The following DLGAP2 variants were observed in gnomAD, a reference collection of about 807,000 sequenced individuals.
DLGAP2 encodes the protein disks large-associated protein 2.
Under a neutral mutation model 100.3 loss-of-function variants are expected in DLGAP2, and 26 were observed. That is an observed-to-expected ratio of 0.26 (90% CI 0.19 to 0.36). The LOEUF is 0.36. Among genes scored for constraint, DLGAP2 ranks in the 10% least tolerant of loss-of-function variants. The pLI is 1.00. For missense variants in DLGAP2, 1,858 were observed against 1,453.2 expected (o/e 1.28, Z -4.53); for synonymous variants, 886 against 630.1 (o/e 1.41, Z -6.08).
At chr8:1,418,126 C>T (rs578236634) in intron 3 of DLGAP2, among the ~76,000 whole-genome samples, 51 of 152,312 alleles carry the variant, frequency 3.3e-4, no homozygotes, top group African/African-American at 1.2e-3. Flanking sequence ...GATCTCCAGC[C>T]ATACAGTGTG....
chr8:1,669,829 A>AT (rs755756690), intron 10 of DLGAP2, 45 bp downstream of exon 10: 23 of 780,716 alleles, frequency 2.9e-5, no homozygotes, highest in South Asian at 2.8e-4. Flanking sequence ...CATGACTTTC[A>AT]TTTTCTCTCC....
At chr8:962,935 G>A (rs557181641) in intron 2 of DLGAP2, among the ~76,000 whole-genome samples, 2 of 152,332 alleles carry the variant, frequency 1.3e-5, no homozygotes, top group South Asian at 4.1e-4. Context: ...GACTGCAGCA[G>A]CCCATTCCCA....
At chr8:948,415 GC>G (rs1355348740) in intron 2 of DLGAP2, among the ~76,000 whole-genome samples, 5 of 152,170 alleles carry the variant, frequency 3.3e-5, no homozygotes, top group African/African-American at 9.7e-5. Flanking sequence ...GGCGAAGCGG[GC>G]GACAGGGTCC....
chr8:1,305,463 G>T (rs965449306), intron 3 of DLGAP2, among the ~76,000 whole-genome samples: 1 of 152,128 alleles, frequency 6.6e-6, no homozygotes, highest in African/African-American at 2.4e-5. Context: ...TCATCCCTGG[G>T]TGTCTGTAAG....
chr8:783,304 G>C (rs1176884268), intron 1 of DLGAP2, among the ~76,000 whole-genome samples: 1 of 152,234 alleles, frequency 6.6e-6, no homozygotes, highest in Non-Finnish European at 1.5e-5. Flanking sequence ...GTTTAAGGGA[G>C]AGAAGGAGGT....
intron 2 of DLGAP2, among the ~76,000 whole-genome samples, chr8:1,215,892 G>A (rs1454349890): frequency 6.7e-6 from 1 of 148,278 alleles, no homozygotes; most frequent in Non-Finnish European, 1.5e-5. Flanking sequence ...TACCTCCATG[G>A]GTTCATTTGG....
At chr8:865,390 T>C (rs1455421986) in intron 1 of DLGAP2, among the ~76,000 whole-genome samples, 1 of 152,252 alleles carries the variant, frequency 6.6e-6, no homozygotes, top group Non-Finnish European at 1.5e-5. Context: ...GATTGTGCTC[T>C]AGAGTTAGAC....
chr8:885,689 C>T (rs532866344), intron 1 of DLGAP2, among the ~76,000 whole-genome samples: 16 of 152,228 alleles, frequency 1.1e-4, no homozygotes, highest in African/African-American at 3.1e-4. Context: ...AGGGCCTCCT[C>T]GTCTTGTGCT....
chr8:1,117,024 C>G (rs1387018000), intron 2 of DLGAP2, among the ~76,000 whole-genome samples: 1 of 152,220 alleles, frequency 6.6e-6, no homozygotes, highest in Non-Finnish European at 1.5e-5. Flanking sequence ...GTGCAGTCCT[C>G]AGATGAACCC....
chr8:1,204,991 C>A (rs749585229), intron 2 of DLGAP2, among the ~76,000 whole-genome samples: 4 of 152,120 alleles, frequency 2.6e-5, no homozygotes, highest in Non-Finnish European at 5.9e-5. Flanking sequence ...TCCATTGTAA[C>A]ATCCAGTCAG....
chr8:1,225,797 C>T (rs1158344539), intron 2 of DLGAP2, among the ~76,000 whole-genome samples: 1 of 152,124 alleles, frequency 6.6e-6, no homozygotes, highest in African/African-American at 2.4e-5. Context: ...GTGGTGAATG[C>T]AGTTTATAAT....
intron 2 of DLGAP2, among the ~76,000 whole-genome samples, chr8:1,214,142 C>T (rs1311966971): frequency 6.6e-6 from 1 of 152,202 alleles, no homozygotes; most frequent in Non-Finnish European, 1.5e-5. Context: ...CAGCCCCCTT[C>T]CCTCCACACC....
intron 2 of DLGAP2, among the ~76,000 whole-genome samples, chr8:916,091 C>T (rs887852047): frequency 6.6e-6 from 1 of 151,780 alleles, no homozygotes; most frequent in Non-Finnish European, 1.5e-5. Context: ...TCCATCTGTC[C>T]CAGGGCGTGG....
chr8:1,480,696 TAA>T (rs111610819), intron 3 of DLGAP2, among the ~76,000 whole-genome samples: 2 of 129,372 alleles, frequency 1.5e-5, no homozygotes, highest in Non-Finnish European at 1.6e-5. Context: ...CTAATAATAA[TAA>T]AAAAAAAAAC....
At chr8:1,097,084 C>T (rs1369167261) in intron 2 of DLGAP2, among the ~76,000 whole-genome samples, 1 of 139,578 alleles carries the variant, frequency 7.2e-6, no homozygotes, top group Non-Finnish European at 1.5e-5. Context: ...TGAGACCCAC[C>T]TCCCTGTGCT....
At chr8:1,536,636 A>G (rs972977035) in intron 4 of DLGAP2, among the ~76,000 whole-genome samples, 1 of 152,128 alleles carries the variant, frequency 6.6e-6, no homozygotes, top group South Asian at 2.1e-4. Context: ...AGGGCTCTCT[A>G]GAGAAAGATG....
intron 2 of DLGAP2, among the ~76,000 whole-genome samples, chr8:1,030,724 C>T (rs370903976): frequency 2.0e-5 from 3 of 152,228 alleles, no homozygotes; most frequent in Admixed American, 1.3e-4. Context: ...CAGCTGTACT[C>T]TTGATATCCT....
intron 3 of DLGAP2, among the ~76,000 whole-genome samples, chr8:1,356,154 A>C (rs968249742): frequency 1.3e-5 from 2 of 152,262 alleles, no homozygotes; most frequent in East Asian, 3.9e-4. Flanking sequence ...CAGCCCCTGC[A>C]TGGCTCTTGC....
rs141207223 is a variant in DLGAP2, at chr8:1,496,307, G to C, written c.107-5059G>C. Among the ~76,000 whole-genome samples, 716 of 152,160 alleles carry C rather than the reference G, an allele frequency of 4.7e-3. 6 individuals carry two copies. The highest frequency in any genetic ancestry group is 7.8e-3 in the Non-Finnish European group (528 of 67,988). The stretch of plus-strand genomic sequence containing the variant: ...GGTGGAAGCATCACAGGGCCTCGTG[G>C]GGGCGCCGAGAGGAGTGCATGGGGG... On this transcript the variant is annotated intron_variant, in intron 3 of 14. Transcript: ENST00000637795.
Sources: allele counts gnomAD v4.1 joint callset (sites outside exome capture counted in the v4.1 genomes callset), GRCh38; gene constraint gnomAD v4.1.1; transcripts MANE v1.5; gene names NCBI Gene and HGNC (gene_info 2026-07-23, HGNC 2026-07-21).